Variants in ERAP1 observed in about 807,000 individuals in gnomAD.
ERAP1 encodes the protein adipocyte-derived leucine aminopeptidase.
A neutral mutation model predicts 103.7 loss-of-function variants in ERAP1; 86 were observed. The observed-to-expected ratio is 0.83, with a 90% confidence interval of 0.70 to 0.99. The LOEUF (loss-of-function observed/expected upper bound fraction) is 0.99, where lower values mean the gene tolerates loss of function less well. Ranked by LOEUF, ERAP1 falls within the 50% of genes least tolerant of loss-of-function variation. ERAP1 has a pLI of 0.00. For missense variants in ERAP1, 1,009 were observed against 1,128.4 expected, an observed-to-expected ratio of 0.89 and a Z score of 1.52; for synonymous variants, 398 against 402.4, an observed-to-expected ratio of 0.99 and a Z score of 0.13.
chr5:96,908,483 C>T, the ERAP1 span, among the ~76,000 whole-genome samples: 3 of 152,152 alleles, frequency 2.0e-5, no homozygotes, highest in Non-Finnish European at 2.9e-5. Context: ...TAAGGACAAA[C>T]ATCAAAGAAA....
chr5:96,774,650 A>AAAT lies in ERAP1; in HGVS notation c.*1743_*1745dup. Reference sequence around the variant, plus strand: ...TCCATGTTTCATTAATCAAGGCATAAAATACAATTAAAGCAAAATATTTTA... The same window carrying AAAT: ...TCCATGTTTCATTAATCAAGGCATAAAATAATACAATTAAAGCAAAATATTTTA... On this transcript the variant is annotated 3_prime_UTR_variant, in exon 19 of 19. Transcript: ENST00000443439. 1.0e-6 allele frequency: 1 copy of AAAT among 984,844 alleles called. No homozygotes were observed. Among genetic ancestry groups the AAAT allele is most frequent in the Non-Finnish European group, 1.2e-6 (1 of 829,260 alleles). The allele number at this position is 984,844 out of a possible 1,614,324, so 61.0% of individuals were successfully genotyped here.
At chr5:96,891,195 A>T in the ERAP1 span, among the ~76,000 whole-genome samples, 3 of 152,108 alleles carry the variant, frequency 2.0e-5, no homozygotes, top group African/African-American at 7.2e-5. Flanking sequence ...GTTCATTTCA[A>T]ACTTTTAAAA....
At chr5:96,905,984 G>A in the ERAP1 span, among the ~76,000 whole-genome samples, 1 of 105,292 alleles carries the variant, frequency 9.5e-6, no homozygotes, top group African/African-American at 3.8e-5. Context: ...TCCCTATATT[G>A]TACAGGCTGA....
chr5:96,825,072 A>C, the ERAP1 span, among the ~76,000 whole-genome samples: 2 of 152,270 alleles, frequency 1.3e-5, no homozygotes. Flanking sequence ...AATTAATTAA[A>C]AATGTTTCTA....
At chr5:96,796,315 G>C (rs1777339250) in intron 4 of ERAP1, among the ~76,000 whole-genome samples, 1 of 152,172 alleles carries the variant, frequency 6.6e-6, no homozygotes, top group Middle Eastern at 3.2e-3. Flanking sequence ...CAGTTGAATA[G>C]GTTGCCCACT....
rs1775118077 is a variant in ERAP1, at chr5:96,781,200, T to C, written c.2448-2A>G. On this transcript the variant is annotated splice_acceptor_variant, in intron 16 of 18. Transcript: ENST00000443439. LOFTEE classifies it high-confidence loss of function. Reference sequence around the variant, plus strand: ...CCCTTAAAGCTTTCATCTAGTAGCCTAGAAGGATTAAGAAAAGAAATGTTA... The same window carrying C: ...CCCTTAAAGCTTTCATCTAGTAGCCCAGAAGGATTAAGAAAAGAAATGTTA... 6.2e-7 allele frequency: 1 copy of C among 1,611,826 alleles called. No individual in the cohort carries two copies. Among genetic ancestry groups the C allele is most frequent in the Admixed American group, 1.7e-5 (1 of 59,790 alleles).
chr5:96,828,383 T>C, the ERAP1 span, among the ~76,000 whole-genome samples: 1 of 152,198 alleles, frequency 6.6e-6, no homozygotes, highest in African/African-American at 2.4e-5. Context: ...GTAATAATAA[T>C]AATATTTGCC....
At chr5:96,881,349 G>T in the ERAP1 span, 1 of 450,930 alleles carries the variant, frequency 2.2e-6, no homozygotes, top group South Asian at 1.6e-5. Context: ...ATTGAACTTG[G>T]CAGTTATTTT....
chr5:96,841,736 CTCT>C, the ERAP1 span, among the ~76,000 whole-genome samples: 5 of 118,496 alleles, frequency 4.2e-5, no homozygotes, highest in Admixed American at 1.0e-4. Flanking sequence ...AACATCTTTT[CTCT>C]TCTTCTTCTT....
the ERAP1 span, among the ~76,000 whole-genome samples, chr5:96,837,691 T>C: frequency 5.3e-5 from 8 of 152,164 alleles, no homozygotes; most frequent in Non-Finnish European, 1.2e-4. Context: ...ACGGCTTAAG[T>C]GTTAACAGCT....
chr5:96,875,712 G>T, the ERAP1 span, among the ~76,000 whole-genome samples: 1 of 152,230 alleles, frequency 6.6e-6, no homozygotes, highest in Admixed American at 6.5e-5. Flanking sequence ...GAGTTGTCAG[G>T]GTTCTGGTTC....
Position 96,803,819 on chromosome 5 carries a change from T to G in ERAP1, c.108A>C (p.Glu36Asp). ...TCCCATCACTACGTTTTGGAGATGC[T>G]TCAGTGCTCTGACACCATGAAGGAG... ...VSTPSWCQST[E>D]ASPKRSDGTP... The change falls in exon 2 of 19, where the codon GAA becomes GAC. Residue 36 changes from glutamate (E) to aspartate (D), a missense_variant. Physicochemically the swap from Glu to Asp is conservative, Grantham distance 45. Around this residue, in one of 3 missense-constraint regions of ERAP1, gnomAD observed 392 missense variants for 455.2 expected, o/e 0.86. Transcript: ENST00000443439. 6.2e-7 allele frequency: 1 copy of G among 1,614,196 alleles called. No homozygotes were observed.
At chr5:96,779,424 AATT>A (rs1774841306) in intron 18 of ERAP1, 1 of 152,190 alleles carries the variant, frequency 6.6e-6, no homozygotes. Context: ...TTCAAGCTTG[AATT>A]ATTATATGCA....
the ERAP1 span, among the ~76,000 whole-genome samples, chr5:96,885,170 C>T: frequency 3.3e-5 from 5 of 152,162 alleles, no homozygotes; most frequent in Non-Finnish European, 7.3e-5. Flanking sequence ...GTAGCCCAGA[C>T]GTATTTCCCC....
the ERAP1 span, among the ~76,000 whole-genome samples, chr5:96,894,507 G>A: frequency 9.4e-6 from 1 of 106,168 alleles, no homozygotes; most frequent in African/African-American, 3.6e-5. Flanking sequence ...ACATACACTA[G>A]ATGTGCAGTA....
the ERAP1 span, among the ~76,000 whole-genome samples, chr5:96,912,449 AAC>A: frequency 3.9e-5 from 6 of 152,150 alleles, no homozygotes; most frequent in African/African-American, 1.4e-4. Flanking sequence ...TAGGAGATAA[AAC>A]ACAAATAATT....
intron 15 of ERAP1, among the ~76,000 whole-genome samples, chr5:96,782,155 C>T (rs1035603570): frequency 4.6e-5 from 7 of 151,828 alleles, no homozygotes; most frequent in Non-Finnish European, 7.4e-5. Context: ...GGACTACAGG[C>T]GCCCGCCACC....
the ERAP1 span, chr5:96,814,396 G>A: frequency 4.4e-6 from 2 of 452,052 alleles, no homozygotes; most frequent in East Asian, 7.0e-5. Flanking sequence ...CCACACTAAT[G>A]TTACTGCACA....
the ERAP1 span, among the ~76,000 whole-genome samples, chr5:96,899,229 G>GTTT: frequency 1.2e-5 from 1 of 82,764 alleles, no homozygotes; most frequent in African/African-American, 4.7e-5. Context: ...CTTAAAATTT[G>GTTT]TCTTCTAAGT....
Sources: allele counts gnomAD v4.1 joint callset (sites outside exome capture counted in the v4.1 genomes callset), GRCh38; gene constraint gnomAD v4.1.1; regional missense constraint gnomAD v4.1.1; transcripts MANE v1.5; gene names NCBI Gene and HGNC (gene_info 2026-07-23, HGNC 2026-07-21).